UBLCP1: variants seen among roughly 807,000 people sequenced by gnomAD.
UBLCP1 encodes ubiquitin like domain containing CTD phosphatase 1.
Under a neutral mutation model 42.4 loss-of-function variants are expected in UBLCP1, and 28 were observed. The ratio of observed to expected loss-of-function variants is 0.66; its 90% CI spans 0.49 to 0.90. The LOEUF is 0.90. Ranked by LOEUF, UBLCP1 falls within the 40% of genes least tolerant of loss-of-function variation. The pLI is 0.00. For synonymous variants in UBLCP1, 122 were observed against 120.8 expected (o/e 1.01, Z -0.07); for missense variants, 279 against 374.5 (o/e 0.75, Z 2.10).
At chr5:159,272,251 TA>T in intron 6 of UBLCP1, 130 bp downstream of exon 6, 1 of 722,130 alleles carries the variant, frequency 1.4e-6, no homozygotes, top group Non-Finnish European at 2.2e-6. Flanking sequence ...AGCAAATTTC[TA>T]AAATGAAGCA....
intron 9 of UBLCP1, 87 bp from the exon 10 acceptor site, chr5:159,283,125 C>G: frequency 7.5e-7 from 1 of 1,341,584 alleles, no homozygotes; most frequent in African/African-American, 1.5e-5. Flanking sequence ...ATTTTAACCT[C>G]ATTAACTCTA....
intron 1 of UBLCP1, among the ~76,000 whole-genome samples, chr5:159,267,533 G>T (rs1292526814): frequency 6.6e-6 from 1 of 152,150 alleles, no homozygotes; most frequent in Non-Finnish European, 1.5e-5. Context: ...GACTTTGGGG[G>T]ACTGTTGGGA....
intron 7 of UBLCP1, 73 bp from the exon 8 acceptor site, chr5:159,275,075 A>G: frequency 7.6e-7 from 1 of 1,311,184 alleles, no homozygotes; most frequent in Admixed American, 1.8e-5. Context: ...GAGAAATTGC[A>G]GCTAGAATAT....
At chr5:159,270,741 G>A (rs1296567972) in intron 5 of UBLCP1, 98 bp downstream of exon 5, 5 of 705,046 alleles carry the variant, frequency 7.1e-6, no homozygotes, top group Non-Finnish European at 1.1e-5. Flanking sequence ...CATGGTTCTC[G>A]TGAAATACTT....
At chr5:159,282,508 T>C (rs927804570) in intron 9 of UBLCP1, among the ~76,000 whole-genome samples, 4 of 152,154 alleles carry the variant, frequency 2.6e-5, no homozygotes, top group African/African-American at 7.2e-5. Context: ...AGTCAAGATA[T>C]GGTATTCCTT....
intron 9 of UBLCP1, 46 bp from the exon 10 acceptor site, chr5:159,283,166 T>C: frequency 6.4e-7 from 1 of 1,562,240 alleles, no homozygotes; most frequent in Non-Finnish European, 8.6e-7. Context: ...TTGTTAGTTT[T>C]CCTTATCACA....
intron 1 of UBLCP1, among the ~76,000 whole-genome samples, chr5:159,263,991 T>C (rs928894304): frequency 6.6e-6 from 1 of 152,254 alleles, no homozygotes; most frequent in African/African-American, 2.4e-5. Context: ...TTGTGAAGCT[T>C]CAATGAGATA....
intron 6 of UBLCP1, among the ~76,000 whole-genome samples, chr5:159,272,824 A>G (rs1357053402): frequency 6.6e-6 from 1 of 152,256 alleles, no homozygotes; most frequent in African/African-American, 2.4e-5. Context: ...AGAAGTAAAT[A>G]TACTGTAATC....
chr5:159,269,340 A>G (rs187192184), intron 2 of UBLCP1, among the ~76,000 whole-genome samples: 1 of 152,228 alleles, frequency 6.6e-6, no homozygotes, highest in Non-Finnish European at 1.5e-5. Context: ...CCTTTGGCAC[A>G]GAAGTCCCGG....
intron 8 of UBLCP1, among the ~76,000 whole-genome samples, chr5:159,276,378 A>T (rs1268101377): frequency 6.6e-6 from 1 of 152,242 alleles, no homozygotes; most frequent in African/African-American, 2.4e-5. Context: ...CAGTATTAAA[A>T]TTATCAAAAC....
intron 10 of UBLCP1, 86 bp from the exon 11 acceptor site, chr5:159,284,818 G>A: frequency 7.0e-7 from 1 of 1,425,302 alleles, no homozygotes; most frequent in South Asian, 1.2e-5. Context: ...TTTGTCATTA[G>A]AACAAACTCC....
intron 5 of UBLCP1, among the ~76,000 whole-genome samples, chr5:159,271,355 G>A (rs1753464567): frequency 6.6e-6 from 1 of 152,122 alleles, no homozygotes; most frequent in Admixed American, 6.5e-5. Context: ...AGCTACTTTA[G>A]GAGGCTGAGG....
intron 9 of UBLCP1, 55 bp downstream of exon 9, chr5:159,278,409 A>G: frequency 2.5e-6 from 3 of 1,179,524 alleles, no homozygotes; most frequent in Non-Finnish European, 3.8e-6. Context: ...GTGTGGTAGA[A>G]CTTTTGTAGT....
At chr5:159,281,007 T>C (rs1459817811) in intron 9 of UBLCP1, among the ~76,000 whole-genome samples, 2 of 152,216 alleles carry the variant, frequency 1.3e-5, no homozygotes, top group Non-Finnish European at 2.9e-5. Flanking sequence ...CTTAGATCAG[T>C]TTTTAAAAAT....
chr5:159,281,747 G>C (rs976735071), intron 9 of UBLCP1, among the ~76,000 whole-genome samples: 1 of 151,930 alleles, frequency 6.6e-6, no homozygotes, highest in African/African-American at 2.4e-5. Context: ...CACTTAATAG[G>C]TATGGTAGTA....
intron 8 of UBLCP1, among the ~76,000 whole-genome samples, chr5:159,275,864 A>G (rs751612118): frequency 1.3e-5 from 2 of 152,204 alleles, no homozygotes; most frequent in Non-Finnish European, 2.9e-5. Context: ...AATATTATCA[A>G]GGAAGATACT....
intron 6 of UBLCP1, among the ~76,000 whole-genome samples, chr5:159,272,834 C>T (rs549347139): frequency 2.6e-5 from 4 of 152,166 alleles, no homozygotes; most frequent in African/African-American, 7.2e-5. Flanking sequence ...ATACTGTAAT[C>T]GTAAGCACAC....
intron 10 of UBLCP1, among the ~76,000 whole-genome samples, chr5:159,283,763 G>A (rs1172523961): frequency 6.6e-6 from 1 of 152,046 alleles, no homozygotes. Flanking sequence ...TAACTTGAGT[G>A]TAGCAGAGAA....
chr5:159,270,558 A>C lies in UBLCP1; in HGVS notation c.363A>C (p.Arg121Ser). 6.2e-7 allele frequency: 1 copy of C among 1,611,254 alleles called. No individual in the cohort carries two copies. Among genetic ancestry groups the C allele is most frequent in the South Asian group, 1.1e-5 (1 of 90,320 alleles). ...REENLLKISRRVKEYKVEILN... is the reference protein window; with the variant it reads ...REENLLKISRSVKEYKVEILN... ...AAAACCTACTGAAAATTTCTCGCAG[A>C]GTGAAAGAGTACAAAGTGGAAATTT... is the stretch of plus-strand genomic sequence containing the variant. Residue 121 changes from arginine to serine, a missense_variant, in exon 5 of 11, where the codon AGA becomes AGC. Arg to Ser is a moderately radical substitution (Grantham distance 110). Transcript: ENST00000296786.
Sources: gnomAD v4.1 joint callset for allele counts (sites outside exome capture counted in the v4.1 genomes callset) on GRCh38, gnomAD v4.1.1 for gene constraint, MANE v1.5 for transcripts, NCBI Gene and HGNC (gene_info 2026-07-23, HGNC 2026-07-21) for gene names.